Variants in LRRC37A3 observed in about 807,000 individuals in gnomAD.
The protein encoded by LRRC37A3 is leucine-rich repeat-containing protein 37A3.
Under a neutral mutation model 106.2 loss-of-function variants are expected in LRRC37A3, and 25 were observed. The ratio of observed to expected loss-of-function variants is 0.24; its 90% CI spans 0.17 to 0.33. The LOEUF is 0.33. Among genes scored for constraint, LRRC37A3 ranks in the 10% least tolerant of loss-of-function variants. The pLI is 1.00. For missense variants in LRRC37A3, 712 were observed against 1,644.9 expected (o/e 0.43, Z 9.81); for synonymous variants, 305 against 635.8 (o/e 0.48, Z 7.83).
chr17:64,873,513 C>G (rs1297448658), intron 8 of LRRC37A3, among the ~76,000 whole-genome samples: 1 of 150,922 alleles, frequency 6.6e-6, no homozygotes, highest in South Asian at 2.1e-4. Flanking sequence ...ATAAGAGAAA[C>G]GATTCAGTTC....
In LRRC37A3 at chr17:64,919,438, C is replaced by G. The variant is rs542009990; in HGVS notation, c.-624G>C. ...GAATGGCTGGGGCCTCACTGCGGAT[C>G]GCCTTCAGCCGCCATCTTGTTTCTT... On this transcript the variant is annotated 5_prime_UTR_variant, in exon 1 of 15. Transcript: ENST00000584306. 1.6e-3 allele frequency: 761 copies of G among 475,888 alleles called. 2 individuals are homozygous for G. Among genetic ancestry groups the G allele is most frequent in the African/African-American group, 0.014 (684 of 47,962 alleles). 29.5% of individuals were successfully genotyped at this position (475,888 alleles called of 1,614,324 possible). A position where few individuals can be genotyped will look rare whatever the true frequency, so the allele number is the denominator to read the frequency against.
Position 64,858,833 on chromosome 17 carries a change from C to T in LRRC37A3, c.4755G>A (p.Ala1585=), listed in dbSNP as rs749713550. The T allele has an allele frequency of 5.5e-5, 88 of 1,613,160 alleles. No individual in the cohort carries two copies. Among genetic ancestry groups the T allele is most frequent in the South Asian group, 9.9e-5 (9 of 91,016 alleles). The change falls in exon 13 of 15, where the codon GCG becomes GCA. Residue 1585 remains alanine, a synonymous_variant. Transcript: ENST00000584306. The part of the protein sequence containing the change: ...GYGYTKKLIL[A]LIVTGILTIL... ...TCGTTAGTATTCCAGTCACAATTAA[C>T]GCCAAGATGAGTTTTTTGGTATAGC...
chr17:64,875,732 C>T (rs576444089), intron 8 of LRRC37A3, among the ~76,000 whole-genome samples: 2 of 150,708 alleles, frequency 1.3e-5, no homozygotes, highest in African/African-American at 4.9e-5. Flanking sequence ...GAGGTTGCGG[C>T]GAGTAAAGAT....
At chr17:64,892,344 CTT>C (rs1973974295) in intron 5 of LRRC37A3, among the ~76,000 whole-genome samples, 183 bp downstream of exon 5, 1 of 81,724 alleles carries the variant, frequency 1.2e-5, no homozygotes, top group East Asian at 5.0e-4. Flanking sequence ...TAAATTGCCT[CTT>C]ATTTTAAAGA....
chr17:64,917,832 G>C (rs1974740934), intron 2 of LRRC37A3, among the ~76,000 whole-genome samples: 1 of 145,440 alleles, frequency 6.9e-6, no homozygotes, highest in Non-Finnish European at 1.5e-5. Flanking sequence ...GCCAGGCGTA[G>C]TGGCGGGCGC....
At chr17:64,875,780 C>T (rs1973489743) in intron 8 of LRRC37A3, among the ~76,000 whole-genome samples, 1 of 151,400 alleles carries the variant, frequency 6.6e-6, no homozygotes, top group Admixed American at 6.6e-5. Flanking sequence ...CAGAGTGAGA[C>T]TCTGTCCCAA....
chr17:64,881,872 C>A (rs1159007205), intron 8 of LRRC37A3, among the ~76,000 whole-genome samples: 2 of 148,906 alleles, frequency 1.3e-5, no homozygotes, highest in Non-Finnish European at 3.0e-5. Context: ...CTGGTACAGC[C>A]AGGAGCTCCA....
intron 13 of LRRC37A3, among the ~76,000 whole-genome samples, chr17:64,856,858 G>A (rs1972694285): frequency 1.3e-5 from 2 of 151,680 alleles, no homozygotes; most frequent in Admixed American, 1.3e-4. Context: ...TTAGCTGCCT[G>A]CCTGTAGTCC....
chr17:64,909,377 T>A (rs1453095844), intron 2 of LRRC37A3, among the ~76,000 whole-genome samples: 1 of 152,138 alleles, frequency 6.6e-6, no homozygotes, highest in Non-Finnish European at 1.5e-5. Flanking sequence ...TAAATCAGGA[T>A]CTGCAGTTTC....
intron 8 of LRRC37A3, among the ~76,000 whole-genome samples, chr17:64,869,730 G>A (rs1423464342): frequency 6.6e-6 from 1 of 151,774 alleles, no homozygotes; most frequent in Admixed American, 6.6e-5. Context: ...TAGTAGAGAC[G>A]GGGTTTTACC....
intron 8 of LRRC37A3, among the ~76,000 whole-genome samples, chr17:64,869,398 A>G (rs1482493549): frequency 6.6e-6 from 1 of 152,166 alleles, no homozygotes; most frequent in Non-Finnish European, 1.5e-5. Context: ...GGAAAAAAAA[A>G]GTGGATAGCA....
chr17:64,867,938 G>A (rs2143432338), intron 10 of LRRC37A3, among the ~76,000 whole-genome samples: 1 of 152,296 alleles, frequency 6.6e-6, no homozygotes, highest in African/African-American at 2.4e-5. Context: ...GCCAGGCATG[G>A]TGGCATGTGC....
chr17:64,859,502 A>C lies in LRRC37A3; in HGVS notation c.4644T>G (p.Thr1548=), dbSNP rs1442983884. ...KIEWDTDQWK[T]ENYINESTEA... ...CTGTGCTCTCATTAATGTAGTTCTC[A>C]GTCTTCCATTGGTCCGTATCCCATT... Residue 1548 remains threonine, a synonymous_variant, in exon 12 of 15, where the codon ACT becomes ACG. Transcript: ENST00000584306. The C allele has an allele frequency of 5.6e-6, 9 of 1,609,468 alleles. No homozygotes were observed. The highest frequency in any genetic ancestry group is 7.6e-6 in the Non-Finnish European group (9 of 1,178,992).
chr17:64,868,052 T>C (rs60839766), intron 10 of LRRC37A3, among the ~76,000 whole-genome samples: 18,716 of 150,762 alleles, frequency 0.12, 4,047 homozygotes, highest in African/African-American at 0.44. Context: ...GCAGCCTGGG[T>C]GACAGAGTGA....
rs1353474770 is a variant in LRRC37A3 at position 64,868,502 on chromosome 17, G to A, written c.3013C>T (p.Leu1005Phe). The change falls in exon 10 of 15, where the codon CTT becomes TTT. Residue 1005 changes from leucine (L) to phenylalanine (F), a missense_variant. Leu to Phe is a conservative substitution (Grantham distance 22). Coordinates refer to ENST00000584306, the MANE Select transcript of LRRC37A3 (RefSeq NM_199340.5). ...ACAGTCATCATGAGAATGTTCTTAA[G>A]TGTTGTAAGTGGGACTAGCGTTGTT... is the stretch of plus-strand genomic sequence containing the variant. The part of the protein sequence containing the change: ...MGTTLVPLTT[L>F]KNILMMTVEL... 1 of 1,610,500 alleles carries A rather than the reference G, an allele frequency of 6.2e-7. No individual in the cohort carries two copies. The highest frequency in any genetic ancestry group is 1.3e-5 in the African/African-American group (1 of 74,702).
rs553246345 is a variant in LRRC37A3, at chr17:64,893,804, C to G, written c.2609+845G>C. On this transcript the variant is annotated intron_variant, in intron 4 of 14. Transcript: ENST00000584306. ...AGCTGGGACTCCAGGCACCCACCACCATGCCTGGCTAATTTTTTTCTGTAT... is the reference window on the plus strand; with the variant it reads ...AGCTGGGACTCCAGGCACCCACCACGATGCCTGGCTAATTTTTTTCTGTAT... Among the ~76,000 whole-genome samples, 390 of 147,704 alleles carry G rather than the reference C, an allele frequency of 2.6e-3. 29 individuals are homozygous for G. The highest frequency in any genetic ancestry group is 1.0e-2 in the African/African-American group (372 of 37,220).
intron 12 of LRRC37A3, 62 bp from the exon 13 acceptor site, chr17:64,858,945 A>G (rs1972772416): frequency 3.5e-6 from 4 of 1,128,806 alleles, no homozygotes; most frequent in East Asian, 4.7e-5. Flanking sequence ...CCAGGTGAGT[A>G]GCTTACAGGT....
rs904117316 is a variant in LRRC37A3, at chr17:64,916,942, C to CA, written c.-496+1807dup. 6.6e-3 allele frequency among the ~76,000 whole-genome samples: 691 copies of CA among 103,942 alleles called. 2 individuals are homozygous for CA. Among genetic ancestry groups the CA allele is most frequent in the East Asian group, 0.034 (131 of 3,888 alleles). 68.2% of individuals were successfully genotyped at this position (103,942 alleles called of 152,430 possible). On this transcript the variant is annotated intron_variant, in intron 2 of 14. Transcript: ENST00000584306. Reference sequence around the variant, plus strand: ...ACCACCATATACTTATTAAGGTGGCCAAAAAAAAAAAAAAAACTTGAGGCC... The same window carrying CA: ...ACCACCATATACTTATTAAGGTGGCCAAAAAAAAAAAAAAAAACTTGAGGCC...
chr17:64,868,305 T>C (rs1973187658), intron 10 of LRRC37A3, among the ~76,000 whole-genome samples, 157 bp downstream of exon 10: 1 of 152,124 alleles, frequency 6.6e-6, no homozygotes, highest in Non-Finnish European at 1.5e-5. Flanking sequence ...GGTGGTTATG[T>C]AACTATACAT....
Sources: gnomAD v4.1 joint callset for allele counts (sites outside exome capture counted in the v4.1 genomes callset) on GRCh38, gnomAD v4.1.1 for gene constraint, MANE v1.5 for transcripts, NCBI Gene and HGNC (gene_info 2026-07-23, HGNC 2026-07-21) for gene names.